ZNF708: variants seen among roughly 807,000 people sequenced by gnomAD.
ZNF708 encodes the protein zinc finger protein 708.
A neutral mutation model predicts 47.0 loss-of-function variants in ZNF708; 44 were observed. The ratio of observed to expected loss-of-function variants is 0.94; its 90% CI spans 0.74 to 1.20. The LOEUF (loss-of-function observed/expected upper bound fraction) is 1.20, where lower values mean the gene tolerates loss of function less well. Among genes scored for constraint, ZNF708 ranks in the 50% most tolerant of loss-of-function variants. ZNF708 has a pLI of 0.00. For missense variants in ZNF708, 557 were observed against 656.0 expected, an observed-to-expected ratio of 0.85 and a Z score of 1.65; for synonymous variants, 184 against 218.5, an observed-to-expected ratio of 0.84 and a Z score of 1.39.
chr19:21,295,361 G>A (rs142112909), intron 3 of ZNF708, among the ~76,000 whole-genome samples: 31 of 152,274 alleles, frequency 2.0e-4, no homozygotes, highest in African/African-American at 7.2e-4. Flanking sequence ...TTTCAGACAA[G>A]ACACAATCTA....
intron 3 of ZNF708, among the ~76,000 whole-genome samples, chr19:21,297,258 ATATATATATATATTTTTTTT>A (rs1972547208): frequency 6.8e-5 from 1 of 14,722 alleles, no homozygotes; most frequent in African/African-American, 2.2e-4. Context: ...ATATATATAT[ATATATATATATATTTTTTTT>A]TTTTTTTTTT....
intron 3 of ZNF708, among the ~76,000 whole-genome samples, chr19:21,301,369 C>T (rs1972656201): frequency 6.6e-6 from 1 of 151,598 alleles, no homozygotes; most frequent in Admixed American, 6.6e-5. Flanking sequence ...AATCCCAGCA[C>T]TTAGGGAGGC....
At chr19:21,297,249 T>TATATATATATATATATAC (rs1310152074) in intron 3 of ZNF708, among the ~76,000 whole-genome samples, 1 of 10,022 alleles carries the variant, frequency 1.0e-4, no homozygotes, top group Non-Finnish European at 2.2e-4. Context: ...ATAAGGTATA[T>TATATATATATATATATAC]ATATATATAT....
chr19:21,297,473 T>C (rs918617131), intron 3 of ZNF708, among the ~76,000 whole-genome samples: 4 of 150,304 alleles, frequency 2.7e-5, no homozygotes, highest in African/African-American at 9.7e-5. Flanking sequence ...AAAATATCTG[T>C]ATAGATACAT....
At chr19:21,300,568 G>T (rs1972638493) in intron 3 of ZNF708, among the ~76,000 whole-genome samples, 1 of 150,290 alleles carries the variant, frequency 6.7e-6, no homozygotes, top group Non-Finnish European at 1.5e-5. Context: ...AATTATATTG[G>T]CAGTAGACAT....
At chr19:21,316,882 G>C (rs570192257) in intron 1 of ZNF708, among the ~76,000 whole-genome samples, 2 of 151,796 alleles carry the variant, frequency 1.3e-5, no homozygotes, top group Non-Finnish European at 2.9e-5. Context: ...TGCCTCCCAG[G>C]TTCAAGTGAT....
intron 3 of ZNF708, among the ~76,000 whole-genome samples, chr19:21,296,577 C>T (rs928051544): frequency 1.3e-5 from 2 of 151,748 alleles, no homozygotes; most frequent in South Asian, 2.1e-4. Context: ...ATAACCTAAT[C>T]CTGAAAAAGT....
chr19:21,315,746 T>C (rs938671788), intron 1 of ZNF708, among the ~76,000 whole-genome samples: 1 of 151,978 alleles, frequency 6.6e-6, no homozygotes, highest in Admixed American at 6.6e-5. Flanking sequence ...ATATACATTG[T>C]TAGGCTATAG....
intron 1 of ZNF708, among the ~76,000 whole-genome samples, chr19:21,326,256 T>G (rs1431419982): frequency 6.6e-6 from 1 of 152,184 alleles, no homozygotes; most frequent in African/African-American, 2.4e-5. Flanking sequence ...AAAAATATAC[T>G]TGCACACGCA....
Position 21,291,809 on chromosome 19 carries a change from G to C in ZNF708, c.*1465C>G, listed in dbSNP as rs566625490. 1 of 152,162 alleles carries C rather than the reference G, an allele frequency of 6.6e-6. No individual in the cohort carries two copies. The highest frequency in any genetic ancestry group is 1.5e-5 in the Non-Finnish European group (1 of 68,164). The allele number at this position is 152,162 out of a possible 1,614,324, so 9.4% of individuals were successfully genotyped here. A position where few individuals can be genotyped will look rare whatever the true frequency, so the allele number is the denominator to read the frequency against. On this transcript the variant is annotated 3_prime_UTR_variant, in exon 4 of 4. Coordinates refer to ENST00000356929, the MANE Select transcript of ZNF708 (RefSeq NM_021269.3). ...GAACCCAGGAGGCAGAGGTTGCAGC[G>C]AGCTGAGATTGTGCCACTGCACTCC...
intron 1 of ZNF708, among the ~76,000 whole-genome samples, chr19:21,321,639 G>A (rs1197811145): frequency 6.9e-6 from 1 of 143,944 alleles, no homozygotes; most frequent in Non-Finnish European, 1.5e-5. Context: ...GGGAGGGGAG[G>A]GGGAAGGAGG....
chr19:21,320,714 A>T (rs368136124), intron 1 of ZNF708, among the ~76,000 whole-genome samples: 4 of 150,940 alleles, frequency 2.7e-5, no homozygotes, highest in African/African-American at 7.3e-5. Context: ...AAAATAAAAG[A>T]TCTAATAAAA....
At chr19:21,313,945 C>T (rs534384443) in intron 1 of ZNF708, among the ~76,000 whole-genome samples, 2 of 150,602 alleles carry the variant, frequency 1.3e-5, no homozygotes, top group African/African-American at 4.9e-5. Context: ...TTTCTGCAAC[C>T]TTGGTTTTAA....
Position 21,293,140 on chromosome 19 carries a change from T to C in ZNF708, c.*134A>G, listed in dbSNP as rs143269680. 37 of 1,119,606 alleles carry C rather than the reference T, an allele frequency of 3.3e-5. No homozygotes were observed. Among genetic ancestry groups the C allele is most frequent in the Non-Finnish European group, 6.5e-6 (5 of 766,534 alleles). The allele number at this position is 1,119,606 out of a possible 1,614,324, so 69.4% of individuals were successfully genotyped here. A position where few individuals can be genotyped will look rare whatever the true frequency, so the allele number is the denominator to read the frequency against. ...TTGTAGGGTTTCTCTCTAGTATGAA[T>C]TATCTTTTGTTTCATAAGGATTAAG... On this transcript the variant is annotated 3_prime_UTR_variant, in exon 4 of 4. Coordinates refer to ENST00000356929, the MANE Select transcript of ZNF708 (RefSeq NM_021269.3).
intron 1 of ZNF708, among the ~76,000 whole-genome samples, chr19:21,314,327 C>T (rs1972961920): frequency 6.6e-6 from 1 of 152,092 alleles, no homozygotes; most frequent in Admixed American, 6.5e-5. Context: ...ATAACATATA[C>T]TAATAAGCAA....
chr19:21,296,403 G>A (rs1972527260), intron 3 of ZNF708, among the ~76,000 whole-genome samples: 1 of 152,122 alleles, frequency 6.6e-6, no homozygotes. Flanking sequence ...TCAAGAGGCT[G>A]AGGCAGGAGA....
chr19:21,319,006 T>C (rs1973072531), intron 1 of ZNF708, among the ~76,000 whole-genome samples: 10 of 152,212 alleles, frequency 6.6e-5, no homozygotes, highest in Admixed American at 6.5e-4. Flanking sequence ...TTTAATGTAC[T>C]AGTCATAATG....
At chr19:21,300,164 G>A (rs1330165419) in intron 3 of ZNF708, among the ~76,000 whole-genome samples, 11 of 149,280 alleles carry the variant, frequency 7.4e-5, no homozygotes, top group African/African-American at 1.2e-4. Flanking sequence ...TTAGCCAGGC[G>A]TCGTGCCACT....
chr19:21,298,537 G>A (rs1157625026), intron 3 of ZNF708, among the ~76,000 whole-genome samples: 1 of 152,092 alleles, frequency 6.6e-6, no homozygotes, highest in Non-Finnish European at 1.5e-5. Context: ...TGAAGAAATA[G>A]AAACAGCAAC....
Sources: allele counts gnomAD v4.1 joint callset (sites outside exome capture counted in the v4.1 genomes callset), GRCh38; gene constraint gnomAD v4.1.1; transcripts MANE v1.5; gene names NCBI Gene and HGNC (gene_info 2026-07-23, HGNC 2026-07-21).